The following FAM184A variants were observed in gnomAD, a reference collection of about 807,000 sequenced individuals.
The protein encoded by FAM184A is protein FAM184A.
FAM184A carries 99 observed loss-of-function variants against 143.8 expected under a neutral mutation model. That is an observed-to-expected ratio of 0.69 (90% CI 0.58 to 0.81). The LOEUF is 0.81. FAM184A is among the 40% of genes least tolerant of loss of function. FAM184A has a pLI of 0.00. For missense variants in FAM184A, 1,217 were observed against 1,310.5 expected (o/e 0.93, Z 1.10); for synonymous variants, 427 against 446.4 (o/e 0.96, Z 0.55).
intron 1 of FAM184A, among the ~76,000 whole-genome samples, chr6:119,035,942 T>G (rs1442411304): frequency 1.3e-5 from 2 of 152,240 alleles, no homozygotes; most frequent in African/African-American, 4.8e-5. Flanking sequence ...CAGGATCTCC[T>G]GGAGCTATGT....
At chr6:119,126,002 A>T (rs1789355823) in intron 1 of FAM184A, among the ~76,000 whole-genome samples, 1 of 152,250 alleles carries the variant, frequency 6.6e-6, no homozygotes, top group African/African-American at 2.4e-5. Flanking sequence ...ACAGGTTAGA[A>T]GTCCAGACAT....
intron 9 of FAM184A, among the ~76,000 whole-genome samples, chr6:118,998,533 CA>C (rs1444824505): frequency 6.6e-6 from 1 of 152,146 alleles, no homozygotes; most frequent in Non-Finnish European, 1.5e-5. Context: ...GAGAACAAAG[CA>C]TAGGAGGCTA....
At chr6:119,144,109 C>T (rs534487415) in intron 1 of FAM184A, among the ~76,000 whole-genome samples, 6 of 150,948 alleles carry the variant, frequency 4.0e-5, no homozygotes, top group South Asian at 4.2e-4. Context: ...GGGTGGATCA[C>T]GAGGTCAGAA....
chr6:118,965,234 G>GGTA (rs1457692541), intron 15 of FAM184A, among the ~76,000 whole-genome samples: 1 of 138,798 alleles, frequency 7.2e-6, no homozygotes, highest in Non-Finnish European at 1.5e-5. Flanking sequence ...TGTGTGTAGA[G>GGTA]GTAGGGTCTC....
rs1002570962 is a variant in FAM184A, at chr6:119,074,769, A to G, written c.159+3372T>C. 3.9e-5 allele frequency among the ~76,000 whole-genome samples: 6 copies of G among 152,342 alleles called. No individual in the cohort carries two copies. The East Asian group carries it at 1.2e-3, about 29-fold the overall frequency. ...ATCTTGAGATAGTTCAGCCATTAACATTTGCAGAAACTTGCCATAATGTAG... is the reference window on the plus strand; with the variant it reads ...ATCTTGAGATAGTTCAGCCATTAACGTTTGCAGAAACTTGCCATAATGTAG... On this transcript the variant is annotated intron_variant, in intron 1 of 17. Coordinates refer to ENST00000338891, the MANE Select transcript of FAM184A (RefSeq NM_024581.6).
intron 1 of FAM184A, among the ~76,000 whole-genome samples, chr6:119,100,474 C>A (rs372978016): frequency 1.3e-5 from 2 of 152,094 alleles, no homozygotes; most frequent in Non-Finnish European, 2.9e-5. Context: ...TGAGAGCTCT[C>A]AGGCAGAGGG....
intron 7 of FAM184A, chr6:119,006,067 A>T: frequency 1.3e-6 from 1 of 764,932 alleles, no homozygotes. Flanking sequence ...GTCAAACTGG[A>T]GTAGAATGAG....
chr6:119,125,690 G>A (rs1232907276), intron 1 of FAM184A, among the ~76,000 whole-genome samples: 2 of 152,170 alleles, frequency 1.3e-5, no homozygotes, highest in Non-Finnish European at 2.9e-5. Flanking sequence ...ACAACTGGCA[G>A]ACTACTTTTA....
chr6:119,048,902 A>G (rs988256225), intron 1 of FAM184A, among the ~76,000 whole-genome samples: 1 of 152,368 alleles, frequency 6.6e-6, no homozygotes, highest in East Asian at 1.9e-4. Flanking sequence ...ATGGATACAA[A>G]GAATCAATAT....
In FAM184A at chr6:118,978,565, T is replaced by G. The variant is rs958823188; in HGVS notation, c.2455+800A>C. ...TTTCATGCTAGCAGTCATAGTGGGT[T>G]TTAAAGGAGGAAGAGGAGAGCTTTA... On this transcript the variant is annotated intron_variant, in intron 11 of 17. Transcript: ENST00000338891. 1.1e-4 allele frequency among the ~76,000 whole-genome samples: 17 copies of G among 152,288 alleles called. 1 individual carries two copies. Among genetic ancestry groups the G allele is most frequent in the Admixed American group, 6.5e-4 (10 of 15,298 alleles).
chr6:119,055,551 C>T (rs1052605208), intron 1 of FAM184A, among the ~76,000 whole-genome samples: 6 of 152,314 alleles, frequency 3.9e-5, no homozygotes, highest in African/African-American at 1.2e-4. Flanking sequence ...CGTGGCAACA[C>T]TTCATTGTCA....
chr6:119,002,442 G>A (rs1784792884), intron 9 of FAM184A, among the ~76,000 whole-genome samples: 1 of 152,120 alleles, frequency 6.6e-6, no homozygotes. Flanking sequence ...TATACTCTAA[G>A]GGGCTTAAAG....
chr6:119,089,207 T>A (rs1054176452), intron 1 of FAM184A, among the ~76,000 whole-genome samples: 2 of 145,254 alleles, frequency 1.4e-5, no homozygotes, highest in Non-Finnish European at 3.0e-5. Context: ...TATTTATTTA[T>A]TTTTTTATTT....
intron 1 of FAM184A, among the ~76,000 whole-genome samples, chr6:119,117,575 T>C (rs1220291210): frequency 6.6e-6 from 1 of 152,216 alleles, no homozygotes; most frequent in African/African-American, 2.4e-5. Flanking sequence ...GCTTTGAACA[T>C]GCCTGCGACT....
At chr6:119,105,903 TTTAA>T (rs1410475232) in intron 1 of FAM184A, among the ~76,000 whole-genome samples, 1 of 152,094 alleles carries the variant, frequency 6.6e-6, no homozygotes, top group Non-Finnish European at 1.5e-5. Flanking sequence ...AAACATTAAT[TTTAA>T]TTAATTAAGT....
intron 9 of FAM184A, among the ~76,000 whole-genome samples, chr6:118,991,454 T>C (rs887133346): frequency 1.3e-5 from 2 of 151,860 alleles, no homozygotes; most frequent in Non-Finnish European, 2.9e-5. Context: ...TGAGCCACCG[T>C]TCCCGGCCAG....
chr6:119,145,891 A>T (rs1407916645), intron 1 of FAM184A, among the ~76,000 whole-genome samples: 1 of 152,206 alleles, frequency 6.6e-6, no homozygotes, highest in Non-Finnish European at 1.5e-5. Context: ...TTTTACAGGG[A>T]AGGAAATCAG....
At chr6:119,000,743 T>C (rs1409717788) in intron 9 of FAM184A, among the ~76,000 whole-genome samples, 2 of 152,130 alleles carry the variant, frequency 1.3e-5, no homozygotes, top group Non-Finnish European at 2.9e-5. Context: ...TACTTTTTCA[T>C]AGCATATGCC....
intron 14 of FAM184A, among the ~76,000 whole-genome samples, chr6:118,970,254 T>G (rs1284689648): frequency 6.6e-6 from 1 of 151,224 alleles, no homozygotes; most frequent in Non-Finnish European, 1.5e-5. Context: ...TCCGCCTGCC[T>G]CGGCCTCCCA....
Sources: allele counts gnomAD v4.1 joint callset (sites outside exome capture counted in the v4.1 genomes callset), GRCh38; gene constraint gnomAD v4.1.1; transcripts MANE v1.5; gene names NCBI Gene and HGNC (gene_info 2026-07-23, HGNC 2026-07-21).